The following IL34 variants were observed in gnomAD, a reference collection of about 807,000 sequenced individuals.
IL34 encodes the protein interleukin 34.
IL34 carries 17 observed loss-of-function variants against 25.3 expected under a neutral mutation model. The observed-to-expected ratio is 0.67, with a 90% CI of 0.46 to 1.01. The LOEUF is 1.01. Ranked by LOEUF, IL34 falls within the 50% of genes least tolerant of loss-of-function variation. IL34 has a pLI of 0.00. For synonymous variants in IL34, 174 were observed against 140.9 expected, an observed-to-expected ratio of 1.23 and a Z score of -1.66; for missense variants, 368 against 312.9, an observed-to-expected ratio of 1.18 and a Z score of -1.33.
intron 1 of IL34, 37 bp downstream of exon 1, chr16:70,647,012 A>C: frequency 7.0e-7 from 1 of 1,437,792 alleles, no homozygotes; most frequent in African/African-American, 1.5e-5. Context: ...CTGCATTGGG[A>C]GGCCTTGGCC....
At chr16:70,594,276 A>G (rs1384220958) in intron 1 of IL34, among the ~76,000 whole-genome samples, 1 of 152,142 alleles carries the variant, frequency 6.6e-6, no homozygotes, top group Non-Finnish European at 1.5e-5. Flanking sequence ...ATTTATTTAG[A>G]TCTTTGCTTT....
intron 4 of IL34, among the ~76,000 whole-genome samples, chr16:70,659,185 C>G (rs1400158728): frequency 1.3e-5 from 2 of 152,192 alleles, no homozygotes; most frequent in Non-Finnish European, 2.9e-5. Flanking sequence ...GCTGGACACC[C>G]TGCCCTGTGT....
chr16:70,631,396 C>T (rs561514106), intron 1 of IL34, among the ~76,000 whole-genome samples: 1 of 139,440 alleles, frequency 7.2e-6, no homozygotes, highest in East Asian at 2.1e-4. Flanking sequence ...TGGGTTTTCC[C>T]ATGGAGTTAG....
At chr16:70,603,342 C>A (rs1447148085) in intron 1 of IL34, among the ~76,000 whole-genome samples, 1 of 151,962 alleles carries the variant, frequency 6.6e-6, no homozygotes, top group African/African-American at 2.4e-5. Context: ...TGCAGTGGTG[C>A]GATCTCGGCT....
intron 1 of IL34, among the ~76,000 whole-genome samples, chr16:70,618,858 T>C (rs2051217354): frequency 6.6e-6 from 1 of 152,092 alleles, no homozygotes; most frequent in South Asian, 2.1e-4. Flanking sequence ...ACAGCCTAGG[T>C]AATTTGCTGA....
chr16:70,657,669 G>T (rs2052268520), intron 4 of IL34, among the ~76,000 whole-genome samples: 1 of 152,178 alleles, frequency 6.6e-6, no homozygotes, highest in Non-Finnish European at 1.5e-5. Context: ...CAGCTACTCA[G>T]GAGGCTGAGG....
At chr16:70,606,540 C>T (rs1385781767) in intron 1 of IL34, among the ~76,000 whole-genome samples, 1 of 152,182 alleles carries the variant, frequency 6.6e-6, no homozygotes, top group African/African-American at 2.4e-5. Context: ...ACCCTCCACC[C>T]CCAAACAACC....
At chr16:70,615,235 G>A (rs553296855) in intron 1 of IL34, among the ~76,000 whole-genome samples, 2 of 152,326 alleles carry the variant, frequency 1.3e-5, no homozygotes, top group South Asian at 4.1e-4. Context: ...CTGGCCAGGT[G>A]TGGTGGCTCA....
chr16:70,629,342 A>C (rs1363354885), intron 1 of IL34, among the ~76,000 whole-genome samples: 1 of 152,204 alleles, frequency 6.6e-6, no homozygotes, highest in Non-Finnish European at 1.5e-5. Context: ...GTATTTTATC[A>C]TGTTAGGTAA....
intron 1 of IL34, among the ~76,000 whole-genome samples, chr16:70,580,374 A>G (rs776782071): frequency 1.3e-5 from 2 of 152,236 alleles, no homozygotes; most frequent in Admixed American, 6.5e-5. Flanking sequence ...CTACATTCTC[A>G]AATGGTTGGC....
chr16:70,599,305 C>CTTTCTTTTCTTTCT (rs1253810022), intron 1 of IL34, among the ~76,000 whole-genome samples: 1 of 60,276 alleles, frequency 1.7e-5, no homozygotes, highest in African/African-American at 6.2e-5. Context: ...TCTTTCTTTC[C>CTTTCTTTTCTTTCT]TTCTTTCTTT....
chr16:70,611,739 G>A (rs1567443967), intron 1 of IL34, among the ~76,000 whole-genome samples: 1 of 152,142 alleles, frequency 6.6e-6, no homozygotes, highest in Non-Finnish European at 1.5e-5. Flanking sequence ...AGCTACTCCG[G>A]AGGCTGAGAC....
intron 1 of IL34, among the ~76,000 whole-genome samples, chr16:70,622,146 G>A (rs1023880034): frequency 6.6e-6 from 1 of 152,008 alleles, no homozygotes; most frequent in Admixed American, 6.6e-5. Flanking sequence ...CTGTATAGAG[G>A]GGGGAAGGCT....
chr16:70,614,216 G>A (rs1214618018), intron 1 of IL34, among the ~76,000 whole-genome samples: 1 of 150,836 alleles, frequency 6.6e-6, no homozygotes, highest in East Asian at 1.9e-4. Context: ...AGTATCCCAG[G>A]CCCTACCCCA....
chr16:70,659,603 T>C lies in IL34; in HGVS notation c.403-15T>C. The C allele has an allele frequency of 3.1e-6, 5 of 1,599,548 alleles. No individual in the cohort carries two copies. In the African/African-American group the frequency reaches 5.4e-5, roughly 17 times the overall value. ...CCCATCTCGCCACCGCTCCTGACTG[T>C]TTCCTCCTTTCCAGGATGTGGAGGT... On this transcript the variant is annotated splice_polypyrimidine_tract_variant and intron_variant, in intron 4 of 5. Transcript: ENST00000288098.
chr16:70,628,016 C>G (rs910905259), intron 1 of IL34, among the ~76,000 whole-genome samples: 7 of 152,182 alleles, frequency 4.6e-5, no homozygotes, highest in South Asian at 4.1e-4. Context: ...TACTGCCAAA[C>G]TGTTCTCCAA....
intron 1 of IL34, among the ~76,000 whole-genome samples, chr16:70,595,712 G>T (rs1405172832): frequency 6.6e-6 from 1 of 152,000 alleles, no homozygotes; most frequent in Non-Finnish European, 1.5e-5. Flanking sequence ...GTCTGTTTGG[G>T]CTGCCATAAG....
chr16:70,597,684 A>T (rs1007674780), intron 1 of IL34, among the ~76,000 whole-genome samples: 2 of 152,174 alleles, frequency 1.3e-5, no homozygotes, highest in Non-Finnish European at 2.9e-5. Flanking sequence ...TTCTTACATG[A>T]TGATGTACAC....
intron 1 of IL34, among the ~76,000 whole-genome samples, chr16:70,601,559 C>T (rs897991748): frequency 7.9e-5 from 12 of 152,094 alleles, no homozygotes; most frequent in Non-Finnish European, 1.8e-4. Context: ...CCACCCTGCC[C>T]GGCTATTTTT....
Sources: allele counts gnomAD v4.1 joint callset (sites outside exome capture counted in the v4.1 genomes callset), GRCh38; gene constraint gnomAD v4.1.1; transcripts MANE v1.5; gene names NCBI Gene and HGNC (gene_info 2026-07-23, HGNC 2026-07-21).